Variants in VPS41 observed in about 807,000 individuals in gnomAD.
The protein encoded by VPS41 is vacuolar protein sorting-associated protein 41 homolog.
A neutral mutation model predicts 130.9 loss-of-function variants in VPS41; 85 were observed. That is an observed-to-expected ratio of 0.65 (90% CI 0.55 to 0.78). VPS41 has a LOEUF of 0.78. VPS41 is among the 30% of genes least tolerant of loss of function. The pLI, the probability that VPS41 is intolerant of heterozygous loss-of-function variation, is 0.00. For synonymous variants in VPS41, 335 were observed against 332.9 expected, an observed-to-expected ratio of 1.01 and a Z score of -0.07; for missense variants, 874 against 1,018.7, an observed-to-expected ratio of 0.86 and a Z score of 1.93.
intron 17 of VPS41, among the ~76,000 whole-genome samples, chr7:38,761,198 C>T: frequency 6.7e-6 from 1 of 150,028 alleles, no homozygotes; most frequent in East Asian, 1.9e-4. Context: ...TTTCTTCCCT[C>T]CCTCCCTTCC....
intron 9 of VPS41, among the ~76,000 whole-genome samples, chr7:38,790,738 C>A (rs1448621578): frequency 6.6e-6 from 1 of 152,198 alleles, no homozygotes; most frequent in Non-Finnish European, 1.5e-5. Context: ...CCAGGATCCA[C>A]AGGGGTCCTG....
chr7:38,731,892 T>C (rs1440168793), intron 25 of VPS41, among the ~76,000 whole-genome samples: 1 of 152,190 alleles, frequency 6.6e-6, no homozygotes, highest in African/African-American at 2.4e-5. Flanking sequence ...AATAAAGTAT[T>C]ACAGACACAG....
chr7:38,803,130 C>G (rs1784765207), intron 7 of VPS41, among the ~76,000 whole-genome samples: 1 of 152,184 alleles, frequency 6.6e-6, no homozygotes, highest in South Asian at 2.1e-4. Flanking sequence ...TAGTGCTTTC[C>G]TACTCTACAG....
chr7:38,776,183 A>T (rs1784255736), intron 11 of VPS41, among the ~76,000 whole-genome samples: 1 of 152,194 alleles, frequency 6.6e-6, no homozygotes, highest in Admixed American at 6.5e-5. Context: ...TGCACTGATA[A>T]CTGAGATTTC....
At chr7:38,857,393 C>T (rs1364515739) in intron 4 of VPS41, among the ~76,000 whole-genome samples, 1 of 152,086 alleles carries the variant, frequency 6.6e-6, no homozygotes, top group African/African-American at 2.4e-5. Context: ...AAGAAAAACA[C>T]ATAAAGGTGA....
At chr7:38,891,356 G>A (rs1786862859) in intron 2 of VPS41, among the ~76,000 whole-genome samples, 1 of 152,182 alleles carries the variant, frequency 6.6e-6, no homozygotes, top group Non-Finnish European at 1.5e-5. Flanking sequence ...AAAAGCACAT[G>A]TCCCAGTGAT....
chr7:38,886,452 T>C (rs1584445966), intron 2 of VPS41, among the ~76,000 whole-genome samples: 1 of 151,762 alleles, frequency 6.6e-6, no homozygotes, highest in South Asian at 2.1e-4. Context: ...GGGGGAGGGG[T>C]GTCTGCCGTT....
intron 10 of VPS41, among the ~76,000 whole-genome samples, chr7:38,787,630 A>G (rs1311934364): frequency 1.3e-5 from 2 of 152,174 alleles, no homozygotes; most frequent in East Asian, 3.9e-4. Flanking sequence ...AGAGTTATAA[A>G]CAATTGGCTT....
intron 7 of VPS41, among the ~76,000 whole-genome samples, chr7:38,811,680 G>GT (rs1196864756): frequency 3.3e-5 from 5 of 150,820 alleles, no homozygotes; most frequent in Admixed American, 1.3e-4. Flanking sequence ...ATCTTCTGTA[G>GT]TAAGTGGAAA....
At chr7:38,891,542 T>C (rs1382152543) in intron 2 of VPS41, among the ~76,000 whole-genome samples, 1 of 152,216 alleles carries the variant, frequency 6.6e-6, no homozygotes, top group Non-Finnish European at 1.5e-5. Context: ...TTTACACAGT[T>C]ACATACATGG....
intron 1 of VPS41, among the ~76,000 whole-genome samples, chr7:38,905,067 CCTA>C (rs1459283937): frequency 2.0e-5 from 3 of 152,132 alleles, no homozygotes; most frequent in Admixed American, 2.0e-4. Flanking sequence ...TCACGCAAAT[CCTA>C]CTAATATACA....
chr7:38,740,548 C>T (rs1210590875), intron 25 of VPS41, among the ~76,000 whole-genome samples: 3 of 152,154 alleles, frequency 2.0e-5, no homozygotes, highest in African/African-American at 7.2e-5. Context: ...GGGTCATCTG[C>T]AAACCTCCAA....
At chr7:38,774,493 A>G (rs948815488) in intron 11 of VPS41, among the ~76,000 whole-genome samples, 1 of 152,168 alleles carries the variant, frequency 6.6e-6, no homozygotes, top group African/African-American at 2.4e-5. Flanking sequence ...CAACTAGTGA[A>G]GAAAAATCTA....
intron 9 of VPS41, 29 bp downstream of exon 9, chr7:38,795,436 G>A (rs752311347): frequency 1.3e-5 from 20 of 1,598,630 alleles, no homozygotes; most frequent in Non-Finnish European, 1.7e-5. Flanking sequence ...ATAACAACAC[G>A]GACTTATTAT....
intron 9 of VPS41, among the ~76,000 whole-genome samples, chr7:38,794,793 C>T (rs774851649): frequency 6.6e-6 from 1 of 152,026 alleles, no homozygotes; most frequent in East Asian, 1.9e-4. Context: ...TTATTTTGTT[C>T]GAATTAAGCT....
intron 2 of VPS41, among the ~76,000 whole-genome samples, chr7:38,879,189 G>A (rs1786550540): frequency 6.6e-6 from 1 of 152,178 alleles, no homozygotes; most frequent in Admixed American, 6.5e-5. Flanking sequence ...ACAGTGGGGA[G>A]CCAGGGGCAA....
intron 2 of VPS41, among the ~76,000 whole-genome samples, chr7:38,895,960 C>T (rs1049716137): frequency 6.6e-6 from 1 of 152,184 alleles, no homozygotes; most frequent in Non-Finnish European, 1.5e-5. Flanking sequence ...TCTACCCAGT[C>T]TCCATCTGAC....
In VPS41 at chr7:38,892,104, G is replaced by A. The variant is rs77795099; in HGVS notation, c.60+5987C>T. 8.7e-3 allele frequency among the ~76,000 whole-genome samples: 1,315 copies of A among 151,726 alleles called. 21 individuals are homozygous for A. The highest frequency in any genetic ancestry group is 0.03 in the African/African-American group (1,245 of 41,370). ...TATTTTCCTACAAGTTGAACAAATCGAAATCTGTAATATTACCCAAAAATC... is the reference window on the plus strand; with the variant it reads ...TATTTTCCTACAAGTTGAACAAATCAAAATCTGTAATATTACCCAAAAATC... On this transcript the variant is annotated intron_variant, in intron 2 of 28. Coordinates refer to ENST00000310301, the MANE Select transcript of VPS41 (RefSeq NM_014396.4).
chr7:38,727,453 C>T (rs1375244829), intron 27 of VPS41, among the ~76,000 whole-genome samples: 3 of 152,198 alleles, frequency 2.0e-5, no homozygotes, highest in South Asian at 2.1e-4. Context: ...TGTGCTTGGG[C>T]AGATCCCCTC....
Sources: gnomAD v4.1 joint callset for allele counts (sites outside exome capture counted in the v4.1 genomes callset) on GRCh38, gnomAD v4.1.1 for gene constraint, MANE v1.5 for transcripts, NCBI Gene and HGNC (gene_info 2026-07-23, HGNC 2026-07-21) for gene names.